Variants in GNG7 observed in about 807,000 individuals in gnomAD.
GNG7 encodes the protein G protein subunit gamma 7, also known as guanine nucleotide-binding protein G(I)/G(S)/G(O) subunit gamma-7.
In GNG7, 1 loss-of-function variant was observed where a neutral mutation model predicts 4.0. That is an observed-to-expected ratio of 0.25 (90% confidence interval 0.09 to 1.18). GNG7 has a LOEUF of 1.18. GNG7 is among the 50% of genes most tolerant of loss of function. The probability of loss-of-function intolerance (pLI) is 0.50; values close to 1 mark genes in which losing one functional copy is unlikely to be tolerated. For synonymous variants in GNG7, 34 were observed against 36.9 expected, an observed-to-expected ratio of 0.92 and a Z score of 0.29; for missense variants, 86 against 91.9, an observed-to-expected ratio of 0.94 and a Z score of 0.26.
chr19:2,519,794 G>T (rs1978298381), intron 4 of GNG7, among the ~76,000 whole-genome samples: 1 of 151,980 alleles, frequency 6.6e-6, no homozygotes, highest in African/African-American at 2.4e-5. Flanking sequence ...CTCTTCCCTG[G>T]GTCTCCAGCC....
chr19:2,612,789 T>C (rs1599422033), intron 2 of GNG7, among the ~76,000 whole-genome samples: 1 of 148,682 alleles, frequency 6.7e-6, no homozygotes, highest in East Asian at 2.0e-4. Flanking sequence ...CACCTCCCAG[T>C]TCAAGCAATT....
In GNG7 at chr19:2,657,399, T is replaced by TACAC. The variant is rs60342985; in HGVS notation, c.-134-11123_-134-11120dup. On this transcript the variant is annotated intron_variant, in intron 1 of 4. Coordinates refer to ENST00000382159, the MANE Select transcript of GNG7 (RefSeq NM_052847.3). ...ATATATATATATATATATATATATA[T>TACAC]ACACATAATAACATTTATCCTAAAA... Among the ~76,000 whole-genome samples the TACAC allele has an allele frequency of 4.5e-3, 359 of 79,484 alleles. 3 individuals carry two copies. Among genetic ancestry groups the TACAC allele is most frequent in the Non-Finnish European group, 6.7e-3 (278 of 41,750 alleles). The allele number at this position is 79,484 out of a possible 152,430, so 52.1% of individuals were successfully genotyped here. A position where few individuals can be genotyped will look rare whatever the true frequency, so the allele number is the denominator to read the frequency against.
intron 4 of GNG7, among the ~76,000 whole-genome samples, chr19:2,518,857 G>T (rs1053957503): frequency 9.9e-5 from 15 of 151,972 alleles, no homozygotes; most frequent in African/African-American, 3.6e-4. Flanking sequence ...GGGCAGTGGC[G>T]CAATCTCAGC....
In GNG7 at chr19:2,611,168, AG is replaced by A. The variant is rs1981552216; in HGVS notation, c.-78+35055del. On this transcript the variant is annotated intron_variant, in intron 2 of 4. Transcript: ENST00000382159. This position sits in a 1 kb window ranked among gnomAD's most constrained non-coding sequence, Gnocchi z 6.0. ...CGACCCTTACTAAGCCGCTCAGCCC[AG>A]GGATCCAGGGCCCTGGCGAGACAGC... The A allele has an allele frequency of 6.6e-6, 1 of 152,190 alleles. No homozygotes were observed. Among genetic ancestry groups the A allele is most frequent in the African/African-American group, 2.4e-5 (1 of 41,458 alleles). 9.4% of individuals were successfully genotyped at this position (152,190 alleles called of 1,614,324 possible). A position where few individuals can be genotyped will look rare whatever the true frequency, so the allele number is the denominator to read the frequency against.
intron 3 of GNG7, among the ~76,000 whole-genome samples, chr19:2,554,552 T>C (rs768111360): frequency 1.6e-5 from 1 of 62,472 alleles, no homozygotes; most frequent in Non-Finnish European, 3.1e-5. Context: ...GCTATATATA[T>C]ATATATATTT....
chr19:2,681,496 T>A (rs1339782093), intron 1 of GNG7, among the ~76,000 whole-genome samples: 1 of 151,972 alleles, frequency 6.6e-6, no homozygotes, highest in Non-Finnish European at 1.5e-5. Context: ...CTCCAACTCT[T>A]GGACTCAAGT....
chr19:2,695,380 C>A (rs1018461908), intron 1 of GNG7, among the ~76,000 whole-genome samples: 1 of 152,148 alleles, frequency 6.6e-6, no homozygotes, highest in African/African-American at 2.4e-5. Context: ...TGGGCTCAGG[C>A]CCCTCTGACC....
At chr19:2,537,846 C>T (rs1978793764) in intron 3 of GNG7, among the ~76,000 whole-genome samples, 1 of 152,292 alleles carries the variant, frequency 6.6e-6, no homozygotes, top group African/African-American at 2.4e-5. Flanking sequence ...GAGGCCGAGG[C>T]AGGCAGATCA....
At position 2,593,343 on chromosome 19, in the gene GNG7, T is replaced by C. The variant is rs1599410376; in HGVS notation, c.-77-38155A>G. ...TGGAATGTTTGTCTTTATTTTGTGC[T>C]TTATATTTTCAAAGTGAAAAGAAAT... is the stretch of plus-strand genomic sequence containing the variant. On this transcript the variant is annotated intron_variant, in intron 2 of 4. Transcript: ENST00000382159. Among the ~76,000 whole-genome samples, 3 of 152,356 alleles carry C rather than the reference T, an allele frequency of 2.0e-5. No individual in the cohort carries two copies. In the East Asian group the frequency reaches 5.8e-4, roughly 29 times the overall value.
At chr19:2,563,059 C>G (rs1979794796) in intron 2 of GNG7, among the ~76,000 whole-genome samples, 1 of 152,094 alleles carries the variant, frequency 6.6e-6, no homozygotes, top group Non-Finnish European at 1.5e-5. Flanking sequence ...ATTCTCCTGC[C>G]TCAGCCTCCC....
In GNG7 at chr19:2,585,095, AGAAG is replaced by A. The variant is rs201368598; in HGVS notation, c.-77-29911_-77-29908del. 3.9e-5 allele frequency among the ~76,000 whole-genome samples: 4 copies of A among 102,890 alleles called. 1 individual carries two copies. The highest frequency in any genetic ancestry group is 1.9e-4 in the African/African-American group (4 of 21,246). 67.5% of individuals were successfully genotyped at this position (102,890 alleles called of 152,430 possible). On this transcript the variant is annotated intron_variant, in intron 2 of 4. Transcript: ENST00000382159. Reference sequence around the variant, plus strand: ...GGGAGGGATGGAGGGAGGGAAGAAAAGAAGGAAGGAAGGAAGGAAAGAAGGTAGG... The same window carrying A: ...GGGAGGGATGGAGGGAGGGAAGAAAAGAAGGAAGGAAGGAAAGAAGGTAGG...
intron 4 of GNG7, among the ~76,000 whole-genome samples, chr19:2,515,352 C>T (rs914873728): frequency 2.0e-5 from 3 of 152,074 alleles, no homozygotes; most frequent in Non-Finnish European, 4.4e-5. Context: ...TAGGCCACAA[C>T]GTGGATGCAT....
At chr19:2,606,428 G>GCA (rs1231555352) in intron 2 of GNG7, among the ~76,000 whole-genome samples, 4 of 151,970 alleles carry the variant, frequency 2.6e-5, no homozygotes, top group African/African-American at 9.7e-5. Flanking sequence ...ACTGAGGTGG[G>GCA]CAGATCACCT....
chr19:2,654,560 A>G (rs1475697902), intron 1 of GNG7, among the ~76,000 whole-genome samples: 2 of 148,538 alleles, frequency 1.3e-5, no homozygotes, highest in East Asian at 4.0e-4. Flanking sequence ...CAGATCCCCA[A>G]GAGACTGTGT....
intron 3 of GNG7, among the ~76,000 whole-genome samples, chr19:2,526,385 G>A (rs950733100): frequency 4.6e-5 from 7 of 151,496 alleles, no homozygotes; most frequent in African/African-American, 7.3e-5. Flanking sequence ...GATTACAGGC[G>A]TGAGCCACCG....
intron 1 of GNG7, among the ~76,000 whole-genome samples, chr19:2,674,510 G>C (rs979998709): frequency 5.9e-5 from 9 of 151,832 alleles, no homozygotes; most frequent in Admixed American, 2.6e-4. Context: ...ATCTCAGCTC[G>C]CTGCAACCTC....
At chr19:2,590,588 TCCACCCACCCAC>T (rs1188704060) in intron 2 of GNG7, among the ~76,000 whole-genome samples, 18 of 120,908 alleles carry the variant, frequency 1.5e-4, no homozygotes, top group South Asian at 1.2e-3. Context: ...CATCCATCCA[TCCACCCACCCAC>T]CCACCCATCC....
At chr19:2,570,202 C>T (rs1382392515) in intron 2 of GNG7, among the ~76,000 whole-genome samples, 1 of 152,132 alleles carries the variant, frequency 6.6e-6, no homozygotes, top group African/African-American at 2.4e-5. Context: ...GATGCCCGTT[C>T]CCCCTTCACC....
At chr19:2,553,748 T>C (rs975619087) in intron 3 of GNG7, among the ~76,000 whole-genome samples, 3 of 148,942 alleles carry the variant, frequency 2.0e-5, no homozygotes, top group East Asian at 2.0e-4. Flanking sequence ...TGCAATATAT[T>C]ACATATATGC....
Sources: allele counts gnomAD v4.1 joint callset (sites outside exome capture counted in the v4.1 genomes callset), GRCh38; gene constraint gnomAD v4.1.1; non-coding constraint Gnocchi (gnomAD v3.1); transcripts MANE v1.5; gene names NCBI Gene and HGNC (gene_info 2026-07-23, HGNC 2026-07-21).